The following M1AP variants were observed in gnomAD, a reference collection of about 807,000 sequenced individuals.
M1AP encodes the protein meiosis 1 arrest protein.
In M1AP, 39 loss-of-function variants were observed where a neutral mutation model predicts 51.2. The observed-to-expected ratio is 0.76, with a 90% CI of 0.59 to 1.00. The LOEUF is 1.00. Ranked by LOEUF, M1AP falls within the 50% of genes least tolerant of loss-of-function variation. The probability of loss-of-function intolerance (pLI) is 0.00; values close to 1 mark genes in which losing one functional copy is unlikely to be tolerated. For synonymous variants in M1AP, 251 were observed against 249.2 expected, an observed-to-expected ratio of 1.01 and a Z score of -0.07; for missense variants, 545 against 641.2, an observed-to-expected ratio of 0.85 and a Z score of 1.62.
chr2:74,561,205 GAGGAGGAGGAGA>G (rs1677962321), intron 8 of M1AP, among the ~76,000 whole-genome samples: 1 of 139,898 alleles, frequency 7.1e-6, no homozygotes, highest in Non-Finnish European at 1.5e-5. Flanking sequence ...GGAGAAGGAG[GAGGAGGAGGAGA>G]AGGAGGAGGA....
At chr2:74,635,398 GGTTT>G (rs1464344475) in intron 2 of M1AP, among the ~76,000 whole-genome samples, 2 of 151,926 alleles carry the variant, frequency 1.3e-5, no homozygotes, top group Non-Finnish European at 2.9e-5. Context: ...TCTTGCCAGA[GGTTT>G]GTTAATTTTA....
chr2:74,615,850 T>A (rs1681635847), intron 2 of M1AP: 1 of 152,230 alleles, frequency 6.6e-6, no homozygotes, highest in African/African-American at 2.4e-5. Flanking sequence ...ATTTGTGACA[T>A]CATTTGAAGG....
chr2:74,621,750 G>C (rs1204767664), intron 2 of M1AP, among the ~76,000 whole-genome samples: 1 of 151,786 alleles, frequency 6.6e-6, no homozygotes, highest in Admixed American at 6.6e-5. Context: ...CCGAGATCGC[G>C]CTACTGCACT....
chr2:74,562,232 G>A lies in M1AP; in HGVS notation c.1266C>T (p.Ser422=), dbSNP rs533977848. ...PLLPEDPHDD[S]LKNVESMLDS... is the part of the protein sequence containing the mutation. ...CTCCACTTGCCTCCACATTCTTAAG[G>A]CTATCATCATGTGGGTCCTCAGGTA... is the stretch of plus-strand genomic sequence containing the variant. Residue 422 remains serine, a synonymous_variant, in exon 8 of 11, where the codon AGC becomes AGT. Transcript: ENST00000421985. 13 of 1,612,776 alleles carry A rather than the reference G, an allele frequency of 8.1e-6. No individual in the cohort carries two copies. The highest frequency in any genetic ancestry group is 1.3e-5 in the African/African-American group (1 of 75,012).
chr2:74,641,714 G>A (rs1391275391), intron 1 of M1AP, among the ~76,000 whole-genome samples: 2 of 150,676 alleles, frequency 1.3e-5, no homozygotes, highest in Non-Finnish European at 2.9e-5. Context: ...GGGCTCAAGT[G>A]ATCCACCTGC....
rs1460425552 is a variant in M1AP, at chr2:74,628,737, A to T, written c.240+11299T>A. ...CCAAAAGTCACATGACAACAACAAG[A>T]TAATCGTCATCATACAGGCAATAAA... On this transcript the variant is annotated intron_variant, in intron 2 of 10. Transcript: ENST00000421985. 2.8e-5 allele frequency: 16 copies of T among 577,786 alleles called. No individual in the cohort carries two copies. The East Asian group carries it at 7.2e-4, about 26-fold the overall frequency. The allele number at this position is 577,786 out of a possible 1,614,324, so 35.8% of individuals were successfully genotyped here. A position where few individuals can be genotyped will look rare whatever the true frequency, so the allele number is the denominator to read the frequency against.
chr2:74,633,176 T>C (rs1382155599), intron 2 of M1AP, among the ~76,000 whole-genome samples: 1 of 152,144 alleles, frequency 6.6e-6, no homozygotes, highest in African/African-American at 2.4e-5. Flanking sequence ...GGGTATTTCA[T>C]CTCCTGATTT....
chr2:74,587,483 C>T (rs560663939), intron 4 of M1AP, among the ~76,000 whole-genome samples: 77 of 152,326 alleles, frequency 5.1e-4, no homozygotes, highest in African/African-American at 1.7e-3. Context: ...CAGGTGTGAG[C>T]TACCACGCCT....
chr2:74,614,771 C>G (rs1198289594), intron 3 of M1AP, among the ~76,000 whole-genome samples, 193 bp downstream of exon 3: 1 of 152,196 alleles, frequency 6.6e-6, no homozygotes, highest in Non-Finnish European at 1.5e-5. Context: ...CTATAACTAT[C>G]TCTACATTAA....
At chr2:74,596,114 A>G (rs1294460548) in intron 4 of M1AP, among the ~76,000 whole-genome samples, 1 of 152,258 alleles carries the variant, frequency 6.6e-6, no homozygotes, top group Non-Finnish European at 1.5e-5. Context: ...CCTGAGTCCA[A>G]CTATATGAAT....
At chr2:74,569,555 A>G (rs968532793) in intron 7 of M1AP, among the ~76,000 whole-genome samples, 1 of 151,928 alleles carries the variant, frequency 6.6e-6, no homozygotes, top group East Asian at 1.9e-4. Flanking sequence ...TTGTATTTTT[A>G]GTAGAGATGA....
At chr2:74,634,946 TTTTC>T (rs748106339) in intron 2 of M1AP, among the ~76,000 whole-genome samples, 5 of 152,134 alleles carry the variant, frequency 3.3e-5, no homozygotes, top group African/African-American at 4.8e-5. Context: ...CGGTCTTCAG[TTTTC>T]TTTTTTTGTA....
intron 1 of M1AP, among the ~76,000 whole-genome samples, chr2:74,640,585 C>T (rs572480760): frequency 7.2e-5 from 11 of 152,044 alleles, no homozygotes; most frequent in East Asian, 3.9e-4. Flanking sequence ...TTCAGCTTCC[C>T]GAGTAGCTAG....
chr2:74,615,373 G>C, intron 2 of M1AP: 2 of 515,048 alleles, frequency 3.9e-6, no homozygotes, highest in Non-Finnish European at 7.0e-6. Context: ...TGATTACTTA[G>C]AGTTACCAGA....
intron 2 of M1AP, among the ~76,000 whole-genome samples, chr2:74,636,408 C>T (rs753383669): frequency 1.3e-5 from 2 of 152,004 alleles, no homozygotes; most frequent in Admixed American, 6.6e-5. Context: ...ATCAACTCTG[C>T]CAAGCCCTTT....
At chr2:74,586,187 T>C (rs769476877) in intron 4 of M1AP, among the ~76,000 whole-genome samples, 20 of 152,256 alleles carry the variant, frequency 1.3e-4, no homozygotes, top group Admixed American at 2.0e-4. Flanking sequence ...TTGGTTTACA[T>C]TTGTAATATA....
intron 5 of M1AP, among the ~76,000 whole-genome samples, chr2:74,578,006 C>T (rs1186355030): frequency 6.6e-6 from 1 of 152,210 alleles, no homozygotes; most frequent in Non-Finnish European, 1.5e-5. Context: ...AAGGAGTGCA[C>T]AACCTAGATC....
chr2:74,562,384 C>T lies in M1AP; in HGVS notation c.1114G>A (p.Gly372Ser), dbSNP rs1335205988. 8 of 1,614,236 alleles carry T rather than the reference C, an allele frequency of 5.0e-6. No individual in the cohort carries two copies. Among genetic ancestry groups the T allele is most frequent in the Non-Finnish European group, 6.8e-6 (8 of 1,180,030 alleles). ...WLLLAKGEPP[G>S]PGHSQRIPAS... is the part of the protein sequence containing the mutation. The stretch of plus-strand genomic sequence containing the variant: ...GGAATTCTCTGGCTGTGTCCTGGGC[C>T]CGGTGGTTCCCCCTTGGCTAACAGC... Residue 372 changes from glycine (G) to serine (S), a missense_variant, in exon 8 of 11, where the codon GGC becomes AGC. Physicochemically the swap from Gly to Ser is moderately conservative, Grantham distance 56 (BLOSUM62 0). Transcript: ENST00000421985.
chr2:74,643,241 G>A (rs1683412990), intron 1 of M1AP, among the ~76,000 whole-genome samples: 1 of 151,872 alleles, frequency 6.6e-6, no homozygotes. Flanking sequence ...AAACACAAAT[G>A]TCAATCTACA....
Sources: gnomAD v4.1 joint callset for allele counts (sites outside exome capture counted in the v4.1 genomes callset) on GRCh38, gnomAD v4.1.1 for gene constraint, MANE v1.5 for transcripts, NCBI Gene and HGNC (gene_info 2026-07-23, HGNC 2026-07-21) for gene names.